The following SGCZ variants were observed in gnomAD, a reference collection of about 807,000 sequenced individuals.
The protein encoded by SGCZ is sarcoglycan zeta.
Under a neutral mutation model 41.3 loss-of-function variants are expected in SGCZ, and 40 were observed. The observed-to-expected ratio is 0.97, with a 90% CI of 0.75 to 1.26. The LOEUF is 1.26. Among genes scored for constraint, SGCZ ranks in the 50% most tolerant of loss-of-function variants. The pLI, the probability that SGCZ is intolerant of heterozygous loss-of-function variation, is 0.00. For synonymous variants in SGCZ, 206 were observed against 137.5 expected (o/e 1.50, Z -3.49); for missense variants, 552 against 369.8 (o/e 1.49, Z -4.04).
intron 2 of SGCZ, among the ~76,000 whole-genome samples, chr8:14,392,119 T>A: frequency 6.6e-6 from 1 of 152,296 alleles, no homozygotes; most frequent in Non-Finnish European, 1.5e-5. Context: ...TTTAATCTCT[T>A]AAATATAATA....
At chr8:14,177,927 T>C (rs1379664597) in intron 4 of SGCZ, among the ~76,000 whole-genome samples, 1 of 149,990 alleles carries the variant, frequency 6.7e-6, no homozygotes, top group African/African-American at 2.4e-5. Flanking sequence ...GGAGATTTTA[T>C]TTTTCTTTTT....
intron 3 of SGCZ, among the ~76,000 whole-genome samples, chr8:14,272,531 A>C (rs1457719144): frequency 6.6e-6 from 1 of 152,188 alleles, no homozygotes; most frequent in Non-Finnish European, 1.5e-5. Flanking sequence ...TTAATATGAC[A>C]TGACTGAACT....
intron 1 of SGCZ, among the ~76,000 whole-genome samples, chr8:14,910,493 T>C (rs968479061): frequency 6.6e-6 from 1 of 151,232 alleles, no homozygotes; most frequent in Non-Finnish European, 1.5e-5. Flanking sequence ...CTGTTTTTTT[T>C]AAATGTACAT....
intron 1 of SGCZ, among the ~76,000 whole-genome samples, chr8:14,583,170 G>A (rs1221015596): frequency 3.3e-5 from 5 of 150,922 alleles, no homozygotes; most frequent in Non-Finnish European, 7.4e-5. Flanking sequence ...TCCAGCACCT[G>A]TTGTTTCCTG....
Position 14,090,336 on chromosome 8 carries a change from G to T in SGCZ, c.*107C>A. 3.3e-6 allele frequency: 4 copies of T among 1,202,842 alleles called. No individual in the cohort carries two copies. The highest frequency in any genetic ancestry group is 1.7e-5 in the South Asian group (1 of 59,236). The allele number at this position is 1,202,842 out of a possible 1,614,324, so 74.5% of individuals were successfully genotyped here. A position where few individuals can be genotyped will look rare whatever the true frequency, so the allele number is the denominator to read the frequency against. On this transcript the variant is annotated 3_prime_UTR_variant, in exon 8 of 8. Transcript: ENST00000382080. Reference sequence around the variant, plus strand: ...TGCTCACACTGGAAGTTGCTCTGTGGACCATTCGAAGAAGCTCTGGACTGA... The same window carrying T: ...TGCTCACACTGGAAGTTGCTCTGTGTACCATTCGAAGAAGCTCTGGACTGA...
At chr8:14,539,864 A>G (rs1803406701) in intron 2 of SGCZ, among the ~76,000 whole-genome samples, 1 of 151,954 alleles carries the variant, frequency 6.6e-6, no homozygotes, top group Admixed American at 6.6e-5. Flanking sequence ...CCTGGAATGC[A>G]GAGATGTCAG....
chr8:14,287,221 A>T (rs983293319), intron 3 of SGCZ, among the ~76,000 whole-genome samples: 34 of 151,350 alleles, frequency 2.2e-4, no homozygotes, highest in African/African-American at 8.2e-4. Flanking sequence ...ATATAATTTA[A>T]TTTTTTCAAT....
intron 1 of SGCZ, among the ~76,000 whole-genome samples, chr8:14,966,504 G>C (rs201775963): frequency 1.3e-5 from 2 of 151,908 alleles, no homozygotes; most frequent in Non-Finnish European, 2.9e-5. Context: ...TTTTTACAAA[G>C]TCCAGGTATT....
chr8:14,265,510 T>C (rs1173355562), intron 3 of SGCZ, among the ~76,000 whole-genome samples: 2 of 152,144 alleles, frequency 1.3e-5, no homozygotes, highest in South Asian at 2.1e-4. Flanking sequence ...TTTTTCAAAA[T>C]AGACAATTCA....
At chr8:14,330,609 G>T (rs1438490605) in intron 2 of SGCZ, among the ~76,000 whole-genome samples, 1 of 151,530 alleles carries the variant, frequency 6.6e-6, no homozygotes, top group Non-Finnish European at 1.5e-5. Flanking sequence ...AATTTAAAAT[G>T]ACTGTTTAAA....
At chr8:15,083,575 G>A (rs1330728984) in intron 1 of SGCZ, among the ~76,000 whole-genome samples, 2 of 152,022 alleles carry the variant, frequency 1.3e-5, no homozygotes, top group Non-Finnish European at 2.9e-5. Flanking sequence ...ATTAGAGACA[G>A]TATCTCATTG....
chr8:14,749,437 G>T (rs1380136610), intron 1 of SGCZ, among the ~76,000 whole-genome samples: 1 of 152,006 alleles, frequency 6.6e-6, no homozygotes, highest in Non-Finnish European at 1.5e-5. Context: ...TACATGCTTG[G>T]GTCTAGCTTT....
At chr8:15,168,542 C>T (rs1019391231) in intron 1 of SGCZ, among the ~76,000 whole-genome samples, 6 of 151,854 alleles carry the variant, frequency 4.0e-5, no homozygotes, top group East Asian at 2.0e-4. Flanking sequence ...CGCTGGAACT[C>T]GGGGATGCAA....
chr8:14,597,728 T>C (rs1429079574), intron 1 of SGCZ, among the ~76,000 whole-genome samples: 1 of 152,114 alleles, frequency 6.6e-6, no homozygotes, highest in African/African-American at 2.4e-5. Flanking sequence ...CCACCTGCCT[T>C]GGCCTCCCAA....
intron 2 of SGCZ, among the ~76,000 whole-genome samples, chr8:14,433,927 AG>A (rs1800015432): frequency 1.3e-5 from 2 of 152,046 alleles, no homozygotes; most frequent in Non-Finnish European, 2.9e-5. Flanking sequence ...TGACATTTTC[AG>A]TGATCAAGAA....
intron 4 of SGCZ, among the ~76,000 whole-genome samples, chr8:14,198,919 C>G (rs146176401): frequency 2.0e-5 from 3 of 152,152 alleles, no homozygotes; most frequent in Non-Finnish European, 2.9e-5. Flanking sequence ...ATCTCTTAAT[C>G]CTGTCATCTT....
At chr8:14,888,882 T>C (rs1243493930) in intron 1 of SGCZ, among the ~76,000 whole-genome samples, 1 of 152,174 alleles carries the variant, frequency 6.6e-6, no homozygotes, top group African/African-American at 2.4e-5. Context: ...AAAATATTAC[T>C]TTAATGATAT....
intron 4 of SGCZ, among the ~76,000 whole-genome samples, chr8:14,190,731 T>C (rs193248959): frequency 1.3e-5 from 2 of 152,104 alleles, no homozygotes; most frequent in South Asian, 2.1e-4. Flanking sequence ...GCCTCCCAAG[T>C]AGCTGGGACT....
chr8:14,991,385 G>T (rs1406382551), intron 1 of SGCZ, among the ~76,000 whole-genome samples: 1 of 152,138 alleles, frequency 6.6e-6, no homozygotes, highest in South Asian at 2.1e-4. Flanking sequence ...GGCAGACTCT[G>T]CATTGTAACA....
Sources: allele counts gnomAD v4.1 joint callset (sites outside exome capture counted in the v4.1 genomes callset), GRCh38; gene constraint gnomAD v4.1.1; transcripts MANE v1.5; gene names NCBI Gene and HGNC (gene_info 2026-07-23, HGNC 2026-07-21).